Variants in NELL1 observed in about 807,000 individuals in gnomAD.
NELL1 encodes protein kinase C-binding protein NELL1.
A neutral mutation model predicts 107.4 loss-of-function variants in NELL1; 76 were observed. The ratio of observed to expected loss-of-function variants is 0.71; its 90% CI spans 0.59 to 0.86. The LOEUF is 0.86. Among genes scored for constraint, NELL1 ranks in the 40% least tolerant of loss-of-function variants. NELL1 has a pLI of 0.00. For synonymous variants in NELL1, 353 were observed against 341.2 expected (o/e 1.03, Z -0.38); for missense variants, 1,024 against 1,005.5 (o/e 1.02, Z -0.25).
intron 15 of NELL1, among the ~76,000 whole-genome samples, chr11:21,464,254 T>C (rs2133876273): frequency 6.6e-6 from 1 of 152,270 alleles, no homozygotes; most frequent in Admixed American, 6.5e-5. Context: ...ATTGTGGCTA[T>C]GTTTTTAAAC....
intron 15 of NELL1, among the ~76,000 whole-genome samples, chr11:21,514,085 T>C (rs1189859517): frequency 6.6e-6 from 1 of 152,238 alleles, no homozygotes; most frequent in Non-Finnish European, 1.5e-5. Flanking sequence ...TGCAAATGAT[T>C]GACCTGGCAG....
At chr11:21,547,019 C>T (rs1480343609) in intron 16 of NELL1, among the ~76,000 whole-genome samples, 2 of 151,892 alleles carry the variant, frequency 1.3e-5, no homozygotes, top group Non-Finnish European at 2.9e-5. Flanking sequence ...GAATATGACA[C>T]AGTCTTTCCA....
chr11:21,500,735 T>C (rs1333550585), intron 15 of NELL1, among the ~76,000 whole-genome samples: 2 of 152,120 alleles, frequency 1.3e-5, no homozygotes, highest in African/African-American at 4.8e-5. Flanking sequence ...AGAGATTGTA[T>C]TTACAAACCC....
rs116722877 is a variant in NELL1, at chr11:21,558,362, G to C, written c.1787-1827G>C. ...TGTACAACATGATGTTTTGAAATAG[G>C]AATACATTCTGGAATGGCTAAATAA... is the stretch of plus-strand genomic sequence containing the variant. On this transcript the variant is annotated intron_variant, in intron 16 of 19. Coordinates refer to ENST00000357134, the MANE Select transcript of NELL1 (RefSeq NM_006157.5). Among the ~76,000 whole-genome samples, 945 of 151,374 alleles carry C rather than the reference G, an allele frequency of 6.2e-3. 13 individuals are homozygous for C. The highest frequency in any genetic ancestry group is 0.022 in the African/African-American group (903 of 41,262).
At chr11:21,085,429 T>G (rs1055576446) in intron 12 of NELL1, among the ~76,000 whole-genome samples, 1 of 152,094 alleles carries the variant, frequency 6.6e-6, no homozygotes, top group Admixed American at 6.6e-5. Flanking sequence ...AGGCCCCAAG[T>G]TTGAGATCAG....
intron 14 of NELL1, among the ~76,000 whole-genome samples, chr11:21,248,275 T>G (rs1858545448): frequency 6.6e-6 from 1 of 151,186 alleles, no homozygotes; most frequent in Non-Finnish European, 1.5e-5. Flanking sequence ...AAGCCCAGGA[T>G]GTCGAAGCTG....
chr11:20,916,747 T>C (rs1850266865), intron 5 of NELL1, among the ~76,000 whole-genome samples: 1 of 151,882 alleles, frequency 6.6e-6, no homozygotes, highest in East Asian at 1.9e-4. Context: ...CTTTTATTAT[T>C]ATTATTATTA....
chr11:21,540,101 TACAACC>T (rs2133977382), intron 16 of NELL1, among the ~76,000 whole-genome samples: 1 of 152,262 alleles, frequency 6.6e-6, no homozygotes, highest in African/African-American at 2.4e-5. Context: ...GATATTTTGT[TACAACC>T]ACAGAATGTG....
rs181348775 is a variant in NELL1 at position 20,723,146 on chromosome 11, C to A, written c.184+45086C>A. On this transcript the variant is annotated intron_variant, in intron 2 of 19. Transcript: ENST00000357134. ...GTGGGAATACAGAACCAAACCATAT[C>A]ATTCTGCCCCTGGCCCCTCCCAAAT... Among the ~76,000 whole-genome samples the A allele has an allele frequency of 2.1e-3, 323 of 152,254 alleles. 3 individuals carry two copies. Among genetic ancestry groups the A allele is most frequent in the East Asian group, 1.4e-3 (7 of 5,172 alleles).
intron 14 of NELL1, among the ~76,000 whole-genome samples, chr11:21,303,523 G>T (rs1039614112): frequency 6.6e-6 from 1 of 152,032 alleles, no homozygotes; most frequent in Non-Finnish European, 1.5e-5. Flanking sequence ...TCTCCATGAG[G>T]ATGTGGAGAA....
Position 20,868,383 on chromosome 11 carries a change from G to A in NELL1, c.507-17061G>A, listed in dbSNP as rs559593058. Among the ~76,000 whole-genome samples, 239 of 152,276 alleles carry A rather than the reference G, an allele frequency of 1.6e-3. 2 individuals are homozygous for A. The highest frequency in any genetic ancestry group is 5.6e-3 in the African/African-American group (231 of 41,538). On this transcript the variant is annotated intron_variant, in intron 4 of 19. Coordinates refer to ENST00000357134, the MANE Select transcript of NELL1 (RefSeq NM_006157.5). ...AAATTAGAGGTTTTCAAGTGCTGGGGGGAGGGTGAATGGAAAGTTATTGCT... is the reference window on the plus strand; with the variant it reads ...AAATTAGAGGTTTTCAAGTGCTGGGAGGAGGGTGAATGGAAAGTTATTGCT...
intron 15 of NELL1, among the ~76,000 whole-genome samples, chr11:21,460,453 G>A (rs1258474074): frequency 6.6e-6 from 1 of 152,094 alleles, no homozygotes; most frequent in South Asian, 2.1e-4. Context: ...AGCTAATTCT[G>A]CCTTGGTTAT....
intron 13 of NELL1, among the ~76,000 whole-genome samples, chr11:21,208,462 A>T (rs1366887072): frequency 1.3e-5 from 2 of 150,908 alleles, no homozygotes; most frequent in Admixed American, 1.3e-4. Context: ...TACATAATTT[A>T]TATATCCAAA....
chr11:20,981,221 G>T (rs889174800), intron 12 of NELL1, among the ~76,000 whole-genome samples: 1 of 152,142 alleles, frequency 6.6e-6, no homozygotes, highest in Non-Finnish European at 1.5e-5. Flanking sequence ...CAGACAGAAG[G>T]AAAGGCATAT....
chr11:21,551,271 A>G (rs1856575633), intron 16 of NELL1, among the ~76,000 whole-genome samples: 2 of 152,060 alleles, frequency 1.3e-5, no homozygotes, highest in South Asian at 2.1e-4. Flanking sequence ...TACATATACA[A>G]TCATGTCATC....
intron 2 of NELL1, among the ~76,000 whole-genome samples, chr11:20,727,519 T>G (rs931048356): frequency 6.6e-5 from 10 of 152,188 alleles, no homozygotes; most frequent in African/African-American, 1.2e-4. Context: ...ATGGGTAGAT[T>G]GTAAAATTTT....
chr11:20,971,786 T>G (rs1432414493), intron 12 of NELL1, among the ~76,000 whole-genome samples: 1 of 152,162 alleles, frequency 6.6e-6, no homozygotes, highest in Non-Finnish European at 1.5e-5. Context: ...AAGTAGTCTT[T>G]TTAAAGAATT....
At chr11:21,093,930 T>C (rs1191701162) in intron 12 of NELL1, among the ~76,000 whole-genome samples, 2 of 152,140 alleles carry the variant, frequency 1.3e-5, no homozygotes, top group South Asian at 2.1e-4. Context: ...CCAAATCCCA[T>C]GTCCTTGTAT....
chr11:20,717,746 T>C (rs1855286033), intron 2 of NELL1, among the ~76,000 whole-genome samples: 1 of 152,212 alleles, frequency 6.6e-6, no homozygotes, highest in Non-Finnish European at 1.5e-5. Flanking sequence ...AGAGTTCTTT[T>C]CATAAATTGA....
Sources: allele counts gnomAD v4.1 joint callset (sites outside exome capture counted in the v4.1 genomes callset), GRCh38; gene constraint gnomAD v4.1.1; transcripts MANE v1.5; gene names NCBI Gene and HGNC (gene_info 2026-07-23, HGNC 2026-07-21).